The following DOCK8 variants were observed in gnomAD, a reference collection of about 807,000 sequenced individuals.
DOCK8 encodes the protein dedicator of cytokinesis 8, also known as dedicator of cytokinesis protein 8.
DOCK8 carries 141 observed loss-of-function variants against 245.6 expected under a neutral mutation model. The observed-to-expected ratio is 0.57, with a 90% CI of 0.50 to 0.66. The LOEUF is 0.66. Among genes scored for constraint, DOCK8 ranks in the 30% least tolerant of loss-of-function variants. The pLI is 0.00. For missense variants in DOCK8, 2,965 were observed against 2,603.4 expected, an observed-to-expected ratio of 1.14 and a Z score of -3.02; for synonymous variants, 1,168 against 970.2, an observed-to-expected ratio of 1.20 and a Z score of -3.79.
At chr9:414,462 G>C (rs1428020220) in intron 28 of DOCK8, among the ~76,000 whole-genome samples, 2 of 152,112 alleles carry the variant, frequency 1.3e-5, no homozygotes, top group Admixed American at 6.5e-5. Flanking sequence ...ATCCTATATT[G>C]CTTGGTTTTC....
At chr9:222,923 C>G (rs2046916651) in intron 1 of DOCK8, among the ~76,000 whole-genome samples, 1 of 152,160 alleles carries the variant, frequency 6.6e-6, no homozygotes, top group Non-Finnish European at 1.5e-5. Context: ...AATAAAATAG[C>G]AAATGGAAAA....
At chr9:460,701 A>C (rs1202731253) in intron 46 of DOCK8, among the ~76,000 whole-genome samples, 2 of 152,242 alleles carry the variant, frequency 1.3e-5, no homozygotes, top group East Asian at 3.8e-4. Flanking sequence ...TCCTTCTTCT[A>C]TAGCAGGCTA....
At chr9:340,778 G>A (rs2051548615) in intron 14 of DOCK8, among the ~76,000 whole-genome samples, 1 of 152,120 alleles carries the variant, frequency 6.6e-6, no homozygotes, top group African/African-American at 2.4e-5. Flanking sequence ...GTAGGTGATT[G>A]CCAAATCTCT....
intron 2 of DOCK8, chr9:273,107 T>G: frequency 1.0e-6 from 1 of 985,384 alleles, no homozygotes; most frequent in African/African-American, 1.7e-5. Flanking sequence ...AAAGGTATGT[T>G]TTACTGGAGT....
intron 10 of DOCK8, among the ~76,000 whole-genome samples, 170 bp downstream of exon 10, chr9:332,648 CTTTTTTTTTTT>C (rs35539095): frequency 1.6e-5 from 1 of 63,942 alleles, no homozygotes. Context: ...CCGATGATGA[CTTTTTTTTTTT>C]TTTTTTTTTT....
chr9:381,647 T>C (rs1402249486), intron 21 of DOCK8, among the ~76,000 whole-genome samples: 1 of 152,136 alleles, frequency 6.6e-6, no homozygotes, highest in Non-Finnish European at 1.5e-5. Context: ...GAAAATTTGA[T>C]TGAGTTTTTA....
At chr9:221,771 G>T (rs929434078) in intron 1 of DOCK8, among the ~76,000 whole-genome samples, 4 of 151,242 alleles carry the variant, frequency 2.6e-5, no homozygotes, top group Admixed American at 2.6e-4. Context: ...GCAGTGAGCC[G>T]AGATCGCACC....
intron 10 of DOCK8, 152 bp from the exon 11 acceptor site, chr9:334,073 T>C: frequency 7.3e-6 from 6 of 818,500 alleles, no homozygotes; most frequent in Non-Finnish European, 1.2e-5. Flanking sequence ...TTTCTGCCTA[T>C]TCACTGTTTT....
At chr9:373,491 G>A (rs762232272) in intron 18 of DOCK8, among the ~76,000 whole-genome samples, 15 of 151,992 alleles carry the variant, frequency 9.9e-5, no homozygotes, top group Non-Finnish European at 2.2e-4. Flanking sequence ...TTTAAAATTG[G>A]TATTCAGATA....
Position 313,643 on chromosome 9 carries a change from A to G in DOCK8, c.741+1477A>G, listed in dbSNP as rs2050220492. ...GAGAAGGTGTTGGTCAAAGGCCACA[A>G]AGTCTCAGGCGGGAGGAATACGTTT... On this transcript the variant is annotated intron_variant, in intron 6 of 47. Transcript: ENST00000432829. Among the ~76,000 whole-genome samples the G allele has an allele frequency of 2.0e-5, 3 of 152,212 alleles. No homozygotes were observed. The South Asian group carries it at 6.2e-4, about 32-fold the overall frequency.
chr9:440,585 A>G (rs534682021), intron 40 of DOCK8, among the ~76,000 whole-genome samples: 359 of 152,322 alleles, frequency 2.4e-3, no homozygotes, highest in Non-Finnish European at 4.0e-3. Context: ...AACAAAATGA[A>G]TTAGAATCCT....
chr9:465,171 C>T lies in DOCK8; in HGVS notation c.*952C>T, dbSNP rs2057931642. 1 of 152,616 alleles carries T rather than the reference C, an allele frequency of 6.6e-6. No homozygotes were observed. Among genetic ancestry groups the T allele is most frequent in the Non-Finnish European group, 1.5e-5 (1 of 68,028 alleles). The allele number at this position is 152,616 out of a possible 1,614,324, so 9.5% of individuals were successfully genotyped here. On this transcript the variant is annotated 3_prime_UTR_variant, in exon 48 of 48. Transcript: ENST00000432829. ...ACTTTAGGAAAAAGAGGAACAAAGA[C>T]ATTATTTGAGAATTAAATTATATAT... is the stretch of plus-strand genomic sequence containing the variant.
rs1394907414 is a variant in DOCK8, at chr9:309,309, T to A, written c.529-2645T>A. Among the ~76,000 whole-genome samples, 3 of 152,200 alleles carry A rather than the reference T, an allele frequency of 2.0e-5. No homozygotes were observed. In the East Asian group the frequency reaches 5.8e-4, roughly 29 times the overall value. On this transcript the variant is annotated intron_variant, in intron 5 of 47. Coordinates refer to ENST00000432829, the MANE Select transcript of DOCK8 (RefSeq NM_203447.4). ...TAATCGAAGTGTTAATATTGATTAT[T>A]TCTAGCACATTCAGTTTGGGGAAAA...
chr9:448,523 C>T (rs1202596026), intron 44 of DOCK8, among the ~76,000 whole-genome samples: 1 of 152,204 alleles, frequency 6.6e-6, no homozygotes, highest in Non-Finnish European at 1.5e-5. Context: ...CTGAAATTTA[C>T]TGTCTGCACA....
intron 14 of DOCK8, among the ~76,000 whole-genome samples, chr9:367,803 TAGCAAAACAGAG>T (rs1377567275): frequency 6.6e-6 from 1 of 152,156 alleles, no homozygotes; most frequent in Admixed American, 6.5e-5. Flanking sequence ...TCTTTACTTG[TAGCAAAACAGAG>T]AGCGATGGGG....
intron 1 of DOCK8, among the ~76,000 whole-genome samples, chr9:221,315 G>T (rs1252978709): frequency 6.6e-6 from 1 of 152,050 alleles, no homozygotes; most frequent in Non-Finnish European, 1.5e-5. Flanking sequence ...AAGGGCAGCC[G>T]GCCCTCTGCA....
At chr9:440,119 A>G (rs2131801046) in intron 40 of DOCK8, among the ~76,000 whole-genome samples, 1 of 152,176 alleles carries the variant, frequency 6.6e-6, no homozygotes, top group East Asian at 1.9e-4. Flanking sequence ...CCAGGGTTCA[A>G]GCAACTCTCC....
chr9:270,614 T>C (rs75193870), intron 1 of DOCK8, among the ~76,000 whole-genome samples: 4,993 of 152,314 alleles, frequency 0.033, 260 homozygotes, highest in African/African-American at 0.11. Context: ...AGCACACGTT[T>C]TCACAGAGAA....
rs1470144770 is a variant in DOCK8, at chr9:336,596, G to T, written c.1300G>T (p.Gly434Cys). 6.2e-7 allele frequency: 1 copy of T among 1,614,170 alleles called. No homozygotes were observed. Among genetic ancestry groups the T allele is most frequent in the Admixed American group, 1.7e-5 (1 of 60,018 alleles). Residue 434 changes from glycine to cysteine, a missense_variant, in exon 12 of 48, where the codon GGT becomes TGT. By Grantham distance (159) the Gly-to-Cys change is radical. Coordinates refer to ENST00000432829, the MANE Select transcript of DOCK8 (RefSeq NM_203447.4). ...TTTTCTTAAAGGGAGAAGCTCAGTG[G>T]GTGAACGGAGGACATTGGCCCAATC... ...VDSVVGRSSV[G>C]ERRTLAQSRR...
Sources: gnomAD v4.1 joint callset for allele counts (sites outside exome capture counted in the v4.1 genomes callset) on GRCh38, gnomAD v4.1.1 for gene constraint, MANE v1.5 for transcripts, NCBI Gene and HGNC (gene_info 2026-07-23, HGNC 2026-07-21) for gene names.